The following NHEJ1 variants were observed in gnomAD, a reference collection of about 807,000 sequenced individuals.
NHEJ1 encodes non-homologous end joining factor 1, also known as non-homologous end-joining factor 1.
Under a neutral mutation model 39.4 loss-of-function variants are expected in NHEJ1, and 22 were observed. That is an observed-to-expected ratio of 0.56 (90% CI 0.40 to 0.80). NHEJ1 has a LOEUF of 0.80. Ranked by LOEUF, NHEJ1 falls within the 30% of genes least tolerant of loss-of-function variation. NHEJ1 has a pLI of 0.00. For missense variants in NHEJ1, 329 were observed against 357.1 expected, an observed-to-expected ratio of 0.92 and a Z score of 0.63; for synonymous variants, 154 against 135.6, an observed-to-expected ratio of 1.14 and a Z score of -0.94.
chr2:219,084,589 C>T (rs140809486), intron 5 of NHEJ1, among the ~76,000 whole-genome samples: 1 of 152,304 alleles, frequency 6.6e-6, no homozygotes, highest in East Asian at 1.9e-4. Context: ...CCTGGCTTTG[C>T]CAGTTACCAG....
At chr2:219,146,234 C>T (rs894043031) in intron 5 of NHEJ1, among the ~76,000 whole-genome samples, 1 of 152,122 alleles carries the variant, frequency 6.6e-6, no homozygotes, top group African/African-American at 2.4e-5. Flanking sequence ...CCTACTGTGC[C>T]CACAAGACAG....
rs1031053425 is a variant in NHEJ1, at chr2:219,072,737, A to G, written c.*3644T>C. Among the ~76,000 whole-genome samples the G allele has an allele frequency of 1.3e-5, 2 of 152,170 alleles. No homozygotes were observed. The highest frequency in any genetic ancestry group is 2.9e-5 in the Non-Finnish European group (2 of 68,020). On this transcript the variant is annotated 3_prime_UTR_variant, in exon 8 of 8. Coordinates refer to ENST00000356853, the MANE Select transcript of NHEJ1 (RefSeq NM_024782.3). ...GCAGAACAGACAAAGTGAGCTTACC[A>G]TATCATGAGGAAGGGCTATTAAGAG...
At chr2:219,081,240 G>A (rs1370581005) in intron 5 of NHEJ1, among the ~76,000 whole-genome samples, 1 of 152,198 alleles carries the variant, frequency 6.6e-6, no homozygotes, top group Non-Finnish European at 1.5e-5. Context: ...GGGAAGAGAG[G>A]TGGAGAGGCA....
intron 5 of NHEJ1, among the ~76,000 whole-genome samples, chr2:219,097,762 A>G (rs1325647647): frequency 6.6e-6 from 1 of 152,202 alleles, no homozygotes; most frequent in African/African-American, 2.4e-5. Flanking sequence ...GAAATGTTGA[A>G]CAAGTAGTTG....
At chr2:219,126,797 A>G (rs1280813531) in intron 5 of NHEJ1, among the ~76,000 whole-genome samples, 1 of 152,258 alleles carries the variant, frequency 6.6e-6, no homozygotes, top group Non-Finnish European at 1.5e-5. Flanking sequence ...GAAGTAACAT[A>G]TTCACTGAAA....
intron 3 of NHEJ1, among the ~76,000 whole-genome samples, chr2:219,154,455 T>C (rs915825432): frequency 2.0e-5 from 3 of 152,168 alleles, no homozygotes; most frequent in African/African-American, 4.8e-5. Flanking sequence ...TTTGAAATGT[T>C]TGCCTTTTTC....
intron 5 of NHEJ1, among the ~76,000 whole-genome samples, chr2:219,104,709 ACAC>A (rs143648615): frequency 0.1 from 15,702 of 151,086 alleles, 806 homozygotes; most frequent in East Asian, 0.13. Context: ...GCACCCCCCC[ACAC>A]ACACAAAAAA....
In NHEJ1 at chr2:219,077,340, G is replaced by A; in HGVS notation, c.731C>T (p.Ala244Val). Residue 244 changes from alanine to valine, a missense_variant, in exon 7 of 8, where the codon GCT becomes GTT. Coordinates refer to ENST00000356853, the MANE Select transcript of NHEJ1 (RefSeq NM_024782.3). Reference protein sequence around the residue: ...GAGDPHTSNSASLQGIDSQCV... With the variant: ...GAGDPHTSNSVSLQGIDSQCV... ...TTGGCTATCGATTCCTTGCAGGGAA[G>A]CACTGTTTGAGGTATGAGGATCTCC... 1.2e-6 allele frequency: 2 copies of A among 1,614,026 alleles called. No individual in the cohort carries two copies. The highest frequency in any genetic ancestry group is 8.5e-7 in the Non-Finnish European group (1 of 1,179,898).
chr2:219,153,692 AGGGG>A lies in NHEJ1; in HGVS notation c.390+3776_390+3779del, dbSNP rs61240146. Among the ~76,000 whole-genome samples, 26 of 79,420 alleles carry A rather than the reference AGGGG, an allele frequency of 3.3e-4. 3 individuals carry two copies. The Admixed American group carries it at 3.4e-3, about 10-fold the overall frequency. The allele number at this position is 79,420 out of a possible 152,430, so 52.1% of individuals were successfully genotyped here. On this transcript the variant is annotated intron_variant, in intron 3 of 7. Coordinates refer to ENST00000356853, the MANE Select transcript of NHEJ1 (RefSeq NM_024782.3). ...TCATCTCAAAAGAAAAAGAAAGAAA[AGGGG>A]GGGGGGGTGGAGAGAGAGAGAGAGA...
intron 5 of NHEJ1, among the ~76,000 whole-genome samples, chr2:219,144,184 C>T (rs1949714858): frequency 6.6e-6 from 1 of 152,062 alleles, no homozygotes; most frequent in South Asian, 2.1e-4. Flanking sequence ...CAAAAAAAAG[C>T]AACACTGTAT....
chr2:219,130,517 C>T (rs939422584), intron 5 of NHEJ1, among the ~76,000 whole-genome samples: 13 of 152,140 alleles, frequency 8.5e-5, no homozygotes, highest in African/African-American at 3.1e-4. Flanking sequence ...AATAGGGCAT[C>T]AATATTTCCC....
intron 3 of NHEJ1, among the ~76,000 whole-genome samples, chr2:219,152,955 A>T (rs1949811989): frequency 6.6e-6 from 1 of 151,940 alleles, no homozygotes; most frequent in Admixed American, 6.6e-5. Context: ...GGCATGCACC[A>T]CCATGCCCGG....
intron 5 of NHEJ1, among the ~76,000 whole-genome samples, chr2:219,118,502 G>A (rs757968595): frequency 3.0e-4 from 46 of 152,104 alleles, no homozygotes; most frequent in Non-Finnish European, 5.7e-4. Context: ...GGGAGGGCAG[G>A]AAGAGAAGAG....
chr2:219,107,813 T>C (rs1053204203), intron 5 of NHEJ1, among the ~76,000 whole-genome samples: 3 of 151,984 alleles, frequency 2.0e-5, no homozygotes, highest in African/African-American at 7.3e-5. Flanking sequence ...CTCCAAGATA[T>C]ACATATGGCA....
chr2:219,104,041 T>C (rs1279391051), intron 5 of NHEJ1, among the ~76,000 whole-genome samples: 4 of 152,230 alleles, frequency 2.6e-5, no homozygotes, highest in African/African-American at 7.2e-5. Flanking sequence ...AAACATTTTT[T>C]TTTGGTTCTG....
chr2:219,115,879 T>C (rs1262874407), intron 5 of NHEJ1, among the ~76,000 whole-genome samples: 1 of 152,166 alleles, frequency 6.6e-6, no homozygotes, highest in Non-Finnish European at 1.5e-5. Flanking sequence ...CCCAGCACTT[T>C]GGGAGGCCGA....
intron 6 of NHEJ1, among the ~76,000 whole-genome samples, chr2:219,077,587 T>A (rs950844560): frequency 6.6e-6 from 1 of 152,108 alleles, no homozygotes; most frequent in African/African-American, 2.4e-5. Flanking sequence ...GAGAGTTTCC[T>A]CGACTCAAAA....
At chr2:219,132,025 C>T (rs1949583587) in intron 5 of NHEJ1, among the ~76,000 whole-genome samples, 1 of 152,176 alleles carries the variant, frequency 6.6e-6, no homozygotes, top group African/African-American at 2.4e-5. Context: ...TTATTTTATC[C>T]TTATGGACCC....
At chr2:219,117,953 G>A (rs1308145326) in intron 5 of NHEJ1, among the ~76,000 whole-genome samples, 1 of 152,214 alleles carries the variant, frequency 6.6e-6, no homozygotes, top group Non-Finnish European at 1.5e-5. Flanking sequence ...TGTGGTAAGG[G>A]TGGACAGGTC....
Sources: gnomAD v4.1 joint callset for allele counts (sites outside exome capture counted in the v4.1 genomes callset) on GRCh38, gnomAD v4.1.1 for gene constraint, MANE v1.5 for transcripts, NCBI Gene and HGNC (gene_info 2026-07-23, HGNC 2026-07-21) for gene names.